ADAMTS6: variants seen among roughly 807,000 people sequenced by gnomAD.
ADAMTS6 encodes the protein ADAM metallopeptidase with thrombospondin type 1 motif 6.
A neutral mutation model predicts 144.3 loss-of-function variants in ADAMTS6; 23 were observed. The observed-to-expected ratio is 0.16, with a 90% confidence interval of 0.11 to 0.23. The LOEUF (loss-of-function observed/expected upper bound fraction) is 0.23, where lower values mean the gene tolerates loss of function less well. ADAMTS6 is among the 10% of genes least tolerant of loss of function. ADAMTS6 has a pLI of 1.00. For synonymous variants in ADAMTS6, 444 were observed against 457.5 expected (o/e 0.97, Z 0.38); for missense variants, 999 against 1,379.6 (o/e 0.72, Z 4.37).
chr5:65,319,546 C>A (rs1228885538), intron 9 of ADAMTS6, among the ~76,000 whole-genome samples: 1 of 146,762 alleles, frequency 6.8e-6, no homozygotes, highest in Non-Finnish European at 1.5e-5. Context: ...TATATATATG[C>A]AAAAATACAA....
At chr5:65,185,674 G>A (rs1266942505) in intron 22 of ADAMTS6, among the ~76,000 whole-genome samples, 2 of 152,168 alleles carry the variant, frequency 1.3e-5, no homozygotes, top group Non-Finnish European at 2.9e-5. Context: ...AAATGCCTTA[G>A]AGCCTCTTAG....
chr5:65,267,523 T>G (rs1761717935), intron 12 of ADAMTS6, among the ~76,000 whole-genome samples: 1 of 152,146 alleles, frequency 6.6e-6, no homozygotes, highest in East Asian at 1.9e-4. Flanking sequence ...CCAGTCAGGC[T>G]TTAAGAGCCT....
chr5:65,182,277 T>C (rs1173162635), intron 22 of ADAMTS6, among the ~76,000 whole-genome samples: 1 of 151,548 alleles, frequency 6.6e-6, no homozygotes, highest in Non-Finnish European at 1.5e-5. Flanking sequence ...CAAAACCCTG[T>C]CTCTACTAAA....
intron 7 of ADAMTS6, among the ~76,000 whole-genome samples, chr5:65,408,510 A>T (rs1005230231): frequency 3.3e-5 from 5 of 152,166 alleles, no homozygotes; most frequent in African/African-American, 1.2e-4. Flanking sequence ...AAGTCCTTAG[A>T]GCCATACAAA....
At chr5:65,451,452 A>G (rs778944313) in intron 7 of ADAMTS6, 23 bp downstream of exon 7, 47 of 1,612,330 alleles carry the variant, frequency 2.9e-5, no homozygotes, top group Admixed American at 5.0e-5. Context: ...AATCAATGGA[A>G]AAATACTTGC....
At chr5:65,291,283 GA>G in intron 11 of ADAMTS6, 45 bp downstream of exon 11, 2 of 1,571,588 alleles carry the variant, frequency 1.3e-6, no homozygotes, top group South Asian at 2.4e-5. Flanking sequence ...CTGTGTCATG[GA>G]AGAACACGTA....
chr5:65,297,222 T>C (rs1476687334), intron 10 of ADAMTS6: 3 of 456,200 alleles, frequency 6.6e-6, no homozygotes, highest in Non-Finnish European at 1.3e-5. Context: ...GAACCACTTA[T>C]TGAATCACCG....
At chr5:65,305,635 A>G (rs1743868963) in intron 9 of ADAMTS6, among the ~76,000 whole-genome samples, 1 of 149,258 alleles carries the variant, frequency 6.7e-6, no homozygotes, top group African/African-American at 2.6e-5. Flanking sequence ...AGTGGGTAAC[A>G]AGAGAATATC....
intron 7 of ADAMTS6, among the ~76,000 whole-genome samples, chr5:65,343,397 A>G (rs1396221135): frequency 1.3e-5 from 2 of 152,080 alleles, no homozygotes; most frequent in Admixed American, 1.3e-4. Context: ...CCACGTATAT[A>G]CGGCCAATTG....
intron 1 of ADAMTS6, among the ~76,000 whole-genome samples, chr5:65,474,482 A>G (rs1760699615): frequency 6.6e-6 from 1 of 152,116 alleles, no homozygotes; most frequent in African/African-American, 2.4e-5. Context: ...AACTTCTAAA[A>G]AGTTGAACTG....
At chr5:65,409,860 C>T (rs141970690) in intron 7 of ADAMTS6, among the ~76,000 whole-genome samples, 2,719 of 152,220 alleles carry the variant, frequency 0.018, 30 homozygotes, top group Non-Finnish European at 0.027. Flanking sequence ...AATCAATAAA[C>T]GTAATCCATC....
chr5:65,383,521 A>T (rs2150137780), intron 7 of ADAMTS6, among the ~76,000 whole-genome samples: 1 of 152,188 alleles, frequency 6.6e-6, no homozygotes, highest in African/African-American at 2.4e-5. Flanking sequence ...TGACTCCATG[A>T]CTCACCTTCC....
chr5:65,324,204 T>C (rs890715774), intron 9 of ADAMTS6, among the ~76,000 whole-genome samples: 3 of 152,194 alleles, frequency 2.0e-5, no homozygotes, highest in Non-Finnish European at 4.4e-5. Context: ...ACCAACCAAC[T>C]TTTTAAAGCA....
rs375034499 is a variant in ADAMTS6 at position 65,188,515 on chromosome 5, C to A, written c.2706-295G>T. Among the ~76,000 whole-genome samples the A allele has an allele frequency of 3.9e-5, 6 of 152,250 alleles. No individual in the cohort carries two copies. In the East Asian group the frequency reaches 1.2e-3, roughly 29 times the overall value. On this transcript the variant is annotated intron_variant, in intron 21 of 24. Coordinates refer to ENST00000381055, the MANE Select transcript of ADAMTS6 (RefSeq NM_197941.4). ...AAATGAGGATAACAATGATCAATCT[C>A]ATAAAAAATTGTCACGAGGGTTAAA... is the stretch of plus-strand genomic sequence containing the variant.
chr5:65,309,835 C>T (rs1266178193), intron 9 of ADAMTS6, among the ~76,000 whole-genome samples: 5 of 152,040 alleles, frequency 3.3e-5, no homozygotes, highest in Admixed American at 3.3e-4. Context: ...AGCTGGGCAC[C>T]GTGACTCATG....
chr5:65,457,852 G>A (rs1056107692), intron 4 of ADAMTS6, among the ~76,000 whole-genome samples: 24 of 144,402 alleles, frequency 1.7e-4, no homozygotes, highest in Non-Finnish European at 1.3e-4. Flanking sequence ...TCAGCCTCCC[G>A]AGTAGCTGGG....
intron 7 of ADAMTS6, among the ~76,000 whole-genome samples, chr5:65,429,890 T>C (rs1580690221): frequency 6.6e-6 from 1 of 152,246 alleles, no homozygotes; most frequent in Non-Finnish European, 1.5e-5. Flanking sequence ...TTCTGTTTTA[T>C]AGGTAGTATT....
intron 14 of ADAMTS6, among the ~76,000 whole-genome samples, chr5:65,248,235 C>A (rs139418959): frequency 6.6e-6 from 1 of 152,226 alleles, no homozygotes; most frequent in Non-Finnish European, 1.5e-5. Flanking sequence ...AGTGAAGCAT[C>A]TCAACCTCAG....
chr5:65,268,928 G>T (rs1191961004), intron 12 of ADAMTS6, among the ~76,000 whole-genome samples: 5 of 152,280 alleles, frequency 3.3e-5, no homozygotes, highest in Middle Eastern at 3.4e-3. Context: ...TTTAAAAAAA[G>T]ATTTATTCAG....
Sources: allele counts gnomAD v4.1 joint callset (sites outside exome capture counted in the v4.1 genomes callset), GRCh38; gene constraint gnomAD v4.1.1; transcripts MANE v1.5; gene names NCBI Gene and HGNC (gene_info 2026-07-23, HGNC 2026-07-21).